The following HMGA2 variants were observed in gnomAD, a reference collection of about 807,000 sequenced individuals.
HMGA2 encodes high mobility group protein HMGI-C.
In HMGA2, 8 loss-of-function variants were observed where a neutral mutation model predicts 19.1. The observed-to-expected ratio is 0.42, with a 90% confidence interval of 0.25 to 0.76. HMGA2 has a LOEUF of 0.76. HMGA2 is among the 30% of genes least tolerant of loss of function. The pLI, the probability that HMGA2 is intolerant of heterozygous loss-of-function variation, is 0.28. For missense variants in HMGA2, 109 were observed against 136.3 expected (o/e 0.80, Z 1.00); for synonymous variants, 60 against 48.8 (o/e 1.23, Z -0.96).
At chr12:65,933,499 G>T (rs1333007566) in intron 3 of HMGA2, among the ~76,000 whole-genome samples, 1 of 152,068 alleles carries the variant, frequency 6.6e-6, no homozygotes, top group Non-Finnish European at 1.5e-5. Context: ...AAAATAGATT[G>T]CATTTCTTAT....
chr12:65,960,331 C>G (rs2121328180), intron 4 of HMGA2, among the ~76,000 whole-genome samples: 1 of 152,318 alleles, frequency 6.6e-6, no homozygotes, highest in East Asian at 1.9e-4. Flanking sequence ...CCTCTTTGCA[C>G]CACAGAAGCA....
chr12:65,930,525 C>T (rs968358980), intron 3 of HMGA2, among the ~76,000 whole-genome samples: 2 of 152,136 alleles, frequency 1.3e-5, no homozygotes, highest in Non-Finnish European at 2.9e-5. Context: ...TTGTAATTTC[C>T]ATGATATTTG....
intron 3 of HMGA2, among the ~76,000 whole-genome samples, chr12:65,949,145 G>A (rs1241991935): frequency 1.3e-5 from 2 of 152,084 alleles, no homozygotes; most frequent in Non-Finnish European, 2.9e-5. Flanking sequence ...ATTTTCCCTG[G>A]AGAAAACATC....
At chr12:65,945,625 A>G (rs1876238053) in intron 3 of HMGA2, among the ~76,000 whole-genome samples, 1 of 151,990 alleles carries the variant, frequency 6.6e-6, no homozygotes, top group South Asian at 2.1e-4. Context: ...GTCAAAAGCC[A>G]CTCCCATCAA....
intron 3 of HMGA2, 41 bp from the exon 4 acceptor site, chr12:65,951,342 A>G (rs1397224029): frequency 7.6e-7 from 1 of 1,309,042 alleles, no homozygotes; most frequent in African/African-American, 1.5e-5. Flanking sequence ...TCTATAATGT[A>G]TATTTTCTTT....
intron 3 of HMGA2, among the ~76,000 whole-genome samples, chr12:65,861,692 C>A (rs757349719): frequency 7.0e-6 from 1 of 143,380 alleles, no homozygotes. Context: ...CCATGGAAAA[C>A]AAACTGATAA....
chr12:65,935,360 T>G (rs1875855038), intron 3 of HMGA2, among the ~76,000 whole-genome samples: 1 of 152,236 alleles, frequency 6.6e-6, no homozygotes, highest in Non-Finnish European at 1.5e-5. Flanking sequence ...TCGAGAATAA[T>G]CTATTAGTCA....
chr12:65,930,074 T>C (rs921337329), intron 3 of HMGA2, among the ~76,000 whole-genome samples: 5 of 152,294 alleles, frequency 3.3e-5, no homozygotes, highest in African/African-American at 1.2e-4. Context: ...TAGAATATAT[T>C]GTAAGCCCCA....
In HMGA2 at chr12:65,824,713, TTCTCTCTCTCTC is replaced by T. The variant is rs60786450; in HGVS notation, c.-513_-502del. The T allele has an allele frequency of 0.062, 8,968 of 144,220 alleles. 177 individuals carry two copies. The highest frequency in any genetic ancestry group is 0.11 in the Admixed American group (858 of 8,140). 8.9% of individuals were successfully genotyped at this position (144,220 alleles called of 1,614,324 possible). On this transcript the variant is annotated 5_prime_UTR_variant, in exon 1 of 5. Coordinates refer to ENST00000403681, the MANE Select transcript of HMGA2 (RefSeq NM_003483.6). The stretch of plus-strand genomic sequence containing the variant: ...CCAAGGCACTTTCAATCTCAATCTC[TTCTCTCTCTCTC>T]TCTCTCTCTCTCTCTCTCTCTCTCT...
chr12:65,890,295 A>G (rs1018446649), intron 3 of HMGA2, among the ~76,000 whole-genome samples: 11 of 152,216 alleles, frequency 7.2e-5, no homozygotes, highest in African/African-American at 2.4e-4. Flanking sequence ...TTGCACGTCC[A>G]GCCCTTAGCA....
chr12:65,926,680 A>G (rs78954746), intron 3 of HMGA2, among the ~76,000 whole-genome samples: 3,090 of 152,330 alleles, frequency 0.02, 118 homozygotes, highest in African/African-American at 0.07. Context: ...TCAATCAGCA[A>G]ATGCTGATTT....
chr12:65,875,473 G>A (rs1461442268), intron 3 of HMGA2, among the ~76,000 whole-genome samples: 4 of 152,008 alleles, frequency 2.6e-5, no homozygotes, highest in Non-Finnish European at 2.9e-5. Flanking sequence ...GCCCAGGCTG[G>A]AGTGCAGTGG....
chr12:65,875,011 C>T (rs116353441), intron 3 of HMGA2, among the ~76,000 whole-genome samples: 3,838 of 152,142 alleles, frequency 0.025, 172 homozygotes, highest in African/African-American at 0.088. Flanking sequence ...CCAGTAATAC[C>T]CTTTTAGAAT....
At chr12:65,946,480 A>G (rs1876268799) in intron 3 of HMGA2, among the ~76,000 whole-genome samples, 1 of 152,170 alleles carries the variant, frequency 6.6e-6, no homozygotes, top group Non-Finnish European at 1.5e-5. Context: ...TGTTTGCTTT[A>G]CCATACATTG....
intron 3 of HMGA2, among the ~76,000 whole-genome samples, chr12:65,854,497 T>TTGTG (rs1871632920): frequency 6.6e-6 from 1 of 152,152 alleles, no homozygotes; most frequent in African/African-American, 2.4e-5. Flanking sequence ...ATGTACTTAT[T>TTGTG]TGTGTGTGTG....
intron 3 of HMGA2, among the ~76,000 whole-genome samples, chr12:65,942,216 A>G (rs1311313980): frequency 6.6e-6 from 1 of 152,204 alleles, no homozygotes; most frequent in African/African-American, 2.4e-5. Flanking sequence ...GTTTGAACTT[A>G]GGCTATAGCA....
chr12:65,938,639 CG>C (rs1347986066), intron 3 of HMGA2, among the ~76,000 whole-genome samples: 5 of 152,048 alleles, frequency 3.3e-5, no homozygotes, highest in East Asian at 1.9e-4. Flanking sequence ...CCCATGACAA[CG>C]TTTTTTTTTA....
At chr12:65,953,518 T>G (rs1876523282) in intron 4 of HMGA2, 1 of 152,210 alleles carries the variant, frequency 6.6e-6, no homozygotes, top group Admixed American at 6.5e-5. Context: ...TGGAGATTAT[T>G]AATATGGCTA....
At chr12:65,896,868 G>T (rs1874153208) in intron 3 of HMGA2, among the ~76,000 whole-genome samples, 1 of 152,178 alleles carries the variant, frequency 6.6e-6, no homozygotes, top group African/African-American at 2.4e-5. Context: ...AATGAGTCTG[G>T]GGGAATAAAT....
Sources: gnomAD v4.1 joint callset for allele counts (sites outside exome capture counted in the v4.1 genomes callset) on GRCh38, gnomAD v4.1.1 for gene constraint, MANE v1.5 for transcripts, NCBI Gene and HGNC (gene_info 2026-07-23, HGNC 2026-07-21) for gene names.